The following SLC24A2 variants were observed in gnomAD, a reference collection of about 807,000 sequenced individuals.
SLC24A2 encodes the protein sodium/potassium/calcium exchanger 2.
A neutral mutation model predicts 62.0 loss-of-function variants in SLC24A2; 36 were observed. That is an observed-to-expected ratio of 0.58 (90% CI 0.44 to 0.77). The LOEUF (loss-of-function observed/expected upper bound fraction) is 0.77, where lower values mean the gene tolerates loss of function less well. SLC24A2 is among the 30% of genes least tolerant of loss of function. The probability of loss-of-function intolerance (pLI) is 0.00; values close to 1 mark genes in which losing one functional copy is unlikely to be tolerated. For missense variants in SLC24A2, 846 were observed against 817.9 expected (o/e 1.03, Z -0.42); for synonymous variants, 358 against 294.0 (o/e 1.22, Z -2.23).
chr9:19,522,642 C>A (rs1187096421), intron 9 of SLC24A2, among the ~76,000 whole-genome samples: 1 of 152,176 alleles, frequency 6.6e-6, no homozygotes, highest in Non-Finnish European at 1.5e-5. Flanking sequence ...AGAATCACTG[C>A]TCCCCATTAG....
intron 2 of SLC24A2, among the ~76,000 whole-genome samples, chr9:19,676,993 T>C (rs1174322941): frequency 6.6e-6 from 1 of 152,196 alleles, no homozygotes; most frequent in Non-Finnish European, 1.5e-5. Flanking sequence ...GAGTGTAAAT[T>C]AGTTCACCCA....
At position 19,599,550 on chromosome 9, in the gene SLC24A2, C is replaced by A. The variant is rs539837018; in HGVS notation, c.1079-2271G>T. Among the ~76,000 whole-genome samples the A allele has an allele frequency of 6.6e-6, 1 of 152,130 alleles. No individual in the cohort carries two copies. The highest frequency in any genetic ancestry group is 1.5e-5 in the Non-Finnish European group (1 of 68,004). ...AAGAATGGAGATGGAAACCAGCCTG[C>A]TAGAATACGGTCTTTAGCACTAACA... is the stretch of plus-strand genomic sequence containing the variant. On this transcript the variant is annotated intron_variant, in intron 4 of 10. Transcript: ENST00000341998. The surrounding 1 kb of genome is among the most constrained non-coding windows in gnomAD (Gnocchi z 4.5).
chr9:19,780,676 GA>G (rs1458985011), intron 2 of SLC24A2, among the ~76,000 whole-genome samples: 1 of 151,554 alleles, frequency 6.6e-6, no homozygotes, highest in East Asian at 2.0e-4. Context: ...ACGAGGTCAG[GA>G]GATTGACACC....
At position 19,770,636 on chromosome 9, in the gene SLC24A2, A is replaced by G. The variant is rs184271805; in HGVS notation, c.930+15301T>C. Among the ~76,000 whole-genome samples, 1,288 of 152,356 alleles carry G rather than the reference A, an allele frequency of 8.5e-3. 9 individuals are homozygous for G. The highest frequency in any genetic ancestry group is 0.012 in the Non-Finnish European group (842 of 68,040). On this transcript the variant is annotated intron_variant, in intron 2 of 10. Transcript: ENST00000341998. Reference sequence around the variant, plus strand: ...CACTTCCTGATGGAGAAAATTGGAAACAGATAAATGCATAGGTAACTTGTA... The same window carrying G: ...CACTTCCTGATGGAGAAAATTGGAAGCAGATAAATGCATAGGTAACTTGTA...
chr9:20,212,980 T>C, the SLC24A2 span, among the ~76,000 whole-genome samples: 40 of 151,674 alleles, frequency 2.6e-4, no homozygotes, highest in Non-Finnish European at 4.6e-4. Context: ...TGTGAACACA[T>C]AGACACAGGG....
At chr9:19,562,625 AAAAT>A (rs1249015834) in intron 7 of SLC24A2, among the ~76,000 whole-genome samples, 1 of 152,196 alleles carries the variant, frequency 6.6e-6, no homozygotes, top group Admixed American at 6.5e-5. Context: ...TTTTCCTAAA[AAAAT>A]ATGTATGTAC....
chr9:20,223,963 G>A, the SLC24A2 span, among the ~76,000 whole-genome samples: 3 of 152,132 alleles, frequency 2.0e-5, no homozygotes, highest in East Asian at 1.9e-4. Context: ...CCTTCTTCAC[G>A]TGGAAACAGG....
intron 2 of SLC24A2, among the ~76,000 whole-genome samples, chr9:19,756,039 G>A (rs572938506): frequency 6.6e-6 from 1 of 152,286 alleles, no homozygotes; most frequent in East Asian, 1.9e-4. Context: ...ATTCCACTGG[G>A]CTGAGGGCCA....
chr9:19,999,055 T>C, the SLC24A2 span, among the ~76,000 whole-genome samples: 1 of 152,212 alleles, frequency 6.6e-6, no homozygotes, highest in Non-Finnish European at 1.5e-5. Context: ...CACTGCTTCA[T>C]GGTGTAAGAT....
At chr9:20,271,193 C>A in the SLC24A2 span, among the ~76,000 whole-genome samples, 2 of 152,208 alleles carry the variant, frequency 1.3e-5, no homozygotes, top group Non-Finnish European at 2.9e-5. Flanking sequence ...TAAATTAATT[C>A]TCTTGCCCTA....
chr9:20,001,950 G>C, the SLC24A2 span, among the ~76,000 whole-genome samples: 2 of 152,144 alleles, frequency 1.3e-5, no homozygotes, highest in African/African-American at 4.8e-5. Context: ...GAATACTAAA[G>C]GTAAGAATAC....
chr9:19,785,279 A>G (rs1340186691), intron 2 of SLC24A2, among the ~76,000 whole-genome samples: 1 of 152,212 alleles, frequency 6.6e-6, no homozygotes, highest in African/African-American at 2.4e-5. Context: ...AGTTGAAGTC[A>G]TGTTTATTAT....
chr9:20,246,839 T>C, the SLC24A2 span, among the ~76,000 whole-genome samples: 4 of 152,180 alleles, frequency 2.6e-5, no homozygotes, highest in African/African-American at 7.2e-5. Context: ...GTTCCTTGCA[T>C]CTGCACCAGT....
chr9:20,209,478 C>T, the SLC24A2 span, among the ~76,000 whole-genome samples: 1 of 152,310 alleles, frequency 6.6e-6, no homozygotes, highest in South Asian at 2.1e-4. Context: ...AACAAGCTCT[C>T]TTCCCCGAAT....
In SLC24A2 at chr9:19,539,513, C is replaced by T. The variant is rs201060280; in HGVS notation, c.1479+10624G>A. On this transcript the variant is annotated intron_variant, in intron 8 of 10. Transcript: ENST00000341998. ...GTTCAGTTTCCATGTAGTTGAGCGG[C>T]TTTGAGTGAGATTCTTAATCCTGAG... is the stretch of plus-strand genomic sequence containing the variant. Among the ~76,000 whole-genome samples the T allele has an allele frequency of 3.5e-3, 504 of 143,390 alleles. 1 individual carries two copies. Among genetic ancestry groups the T allele is most frequent in the African/African-American group, 0.01 (398 of 38,586 alleles). 94.1% of individuals were successfully genotyped at this position (143,390 alleles called of 152,430 possible). A position where few individuals can be genotyped will look rare whatever the true frequency, so the allele number is the denominator to read the frequency against.
chr9:19,948,575 G>A, the SLC24A2 span, among the ~76,000 whole-genome samples: 3 of 152,110 alleles, frequency 2.0e-5, no homozygotes, highest in Non-Finnish European at 2.9e-5. Flanking sequence ...CAGAGCTAAC[G>A]GGCCGGGCGC....
intron 2 of SLC24A2, among the ~76,000 whole-genome samples, chr9:19,726,608 CATA>C (rs1465464003): frequency 6.6e-6 from 1 of 152,176 alleles, no homozygotes; most frequent in Non-Finnish European, 1.5e-5. Flanking sequence ...TTGCTCTCTT[CATA>C]ATGATTATCA....
the SLC24A2 span, among the ~76,000 whole-genome samples, chr9:20,034,176 C>T: frequency 6.6e-6 from 1 of 152,172 alleles, no homozygotes; most frequent in African/African-American, 2.4e-5. Context: ...TGATTATCTA[C>T]ACGACCCCTT....
intron 8 of SLC24A2, among the ~76,000 whole-genome samples, chr9:19,533,910 G>A (rs1297662995): frequency 6.6e-6 from 1 of 152,200 alleles, no homozygotes; most frequent in East Asian, 1.9e-4. Flanking sequence ...TATTGTATAT[G>A]CAGAATACAC....
Sources: allele counts gnomAD v4.1 joint callset (sites outside exome capture counted in the v4.1 genomes callset), GRCh38; gene constraint gnomAD v4.1.1; non-coding constraint Gnocchi (gnomAD v3.1); transcripts MANE v1.5; gene names NCBI Gene and HGNC (gene_info 2026-07-23, HGNC 2026-07-21).